The following RERE variants were observed in gnomAD, a reference collection of about 807,000 sequenced individuals.
RERE encodes arginine-glutamic acid dipeptide repeats.
Under a neutral mutation model 146.1 loss-of-function variants are expected in RERE, and 40 were observed. The observed-to-expected ratio is 0.27, with a 90% CI of 0.21 to 0.36. The LOEUF is 0.36. Among genes scored for constraint, RERE ranks in the 10% least tolerant of loss-of-function variants. RERE has a pLI of 1.00. For synonymous variants in RERE, 1,003 were observed against 866.0 expected (o/e 1.16, Z -2.78); for missense variants, 1,933 against 2,138.7 (o/e 0.90, Z 1.90).
intron 1 of RERE, among the ~76,000 whole-genome samples, chr1:8,709,813 G>C (rs1487915652): frequency 1.3e-5 from 2 of 152,144 alleles, no homozygotes; most frequent in African/African-American, 4.8e-5. Context: ...TTTCTACACT[G>C]AAGGAATCCC....
At chr1:8,373,138 C>T (rs183922239) in intron 12 of RERE, among the ~76,000 whole-genome samples, 44 of 152,332 alleles carry the variant, frequency 2.9e-4, no homozygotes, top group African/African-American at 7.2e-4. Flanking sequence ...CTGACCCCAT[C>T]GCAGAGTCTT....
chr1:8,435,777 A>C (rs554629001), intron 11 of RERE, among the ~76,000 whole-genome samples: 1 of 152,370 alleles, frequency 6.6e-6, no homozygotes, highest in South Asian at 2.1e-4. Context: ...CCATTGAGCT[A>C]TCCTATATAT....
intron 7 of RERE, among the ~76,000 whole-genome samples, chr1:8,539,454 G>A (rs893559158): frequency 6.6e-6 from 1 of 151,668 alleles, no homozygotes; most frequent in Admixed American, 6.6e-5. Context: ...TGCCCAGGCT[G>A]AAGTGCAGTG....
chr1:8,622,486 TAAAAAAAAAA>T (rs1167355778), intron 3 of RERE, among the ~76,000 whole-genome samples: 10 of 43,016 alleles, frequency 2.3e-4, no homozygotes, highest in Non-Finnish European at 3.0e-4. Context: ...TGTATCTGTT[TAAAAAAAAAA>T]AAAAAAAAAA....
intron 11 of RERE, among the ~76,000 whole-genome samples, chr1:8,459,279 A>G (rs185810445): frequency 3.9e-5 from 6 of 152,356 alleles, no homozygotes; most frequent in Admixed American, 2.0e-4. Context: ...TTAAGAATAC[A>G]TAATATGGAG....
At chr1:8,498,599 G>A (rs1041231193) in intron 8 of RERE, among the ~76,000 whole-genome samples, 4 of 149,576 alleles carry the variant, frequency 2.7e-5, no homozygotes, top group East Asian at 2.0e-4. Flanking sequence ...GGGAGGTTGA[G>A]GCAAGAGAAT....
At chr1:8,721,777 T>C (rs1008229647) in intron 1 of RERE, among the ~76,000 whole-genome samples, 1 of 152,218 alleles carries the variant, frequency 6.6e-6, no homozygotes, top group Admixed American at 6.5e-5. Flanking sequence ...CCTTTCTGAC[T>C]GCTTAAATAT....
chr1:8,551,207 C>G (rs961267881), intron 6 of RERE, among the ~76,000 whole-genome samples: 5 of 152,200 alleles, frequency 3.3e-5, no homozygotes, highest in African/African-American at 1.2e-4. Context: ...AAGACACTTA[C>G]GATCTCCTGT....
chr1:8,501,715 G>A (rs1383003455), intron 8 of RERE, among the ~76,000 whole-genome samples: 1 of 130,452 alleles, frequency 7.7e-6, no homozygotes, highest in African/African-American at 2.9e-5. Context: ...GGGAGGTGGG[G>A]GGTCAGCCCC....
intron 6 of RERE, among the ~76,000 whole-genome samples, chr1:8,554,798 G>A (rs545757422): frequency 4.0e-5 from 6 of 150,230 alleles, no homozygotes; most frequent in Non-Finnish European, 7.4e-5. Flanking sequence ...TTAAGTCACC[G>A]GTCCCAGCTA....
chr1:8,379,670 C>T (rs1201380220), intron 12 of RERE, among the ~76,000 whole-genome samples: 1 of 152,182 alleles, frequency 6.6e-6, no homozygotes, highest in Non-Finnish European at 1.5e-5. Flanking sequence ...CAGCGCCACC[C>T]CATGCAGGCT....
intron 11 of RERE, among the ~76,000 whole-genome samples, chr1:8,453,697 T>C (rs1644415045): frequency 6.6e-6 from 1 of 152,054 alleles, no homozygotes; most frequent in South Asian, 2.1e-4. Context: ...TCCCAGCTAC[T>C]GGGGAGGCTG....
Position 8,360,755 on chromosome 1 carries a change from G to A in RERE, c.2752C>T (p.Leu918=). 1 of 1,601,062 alleles carries A rather than the reference G, an allele frequency of 6.2e-7. No individual in the cohort carries two copies. Among genetic ancestry groups the A allele is most frequent in the Non-Finnish European group, 8.5e-7 (1 of 1,177,186 alleles). Residue 918 remains leucine (L), a synonymous_variant, in exon 18 of 23, where the codon CTG becomes TTG. Transcript: ENST00000400908. ...GGCATGGCCAAGGGCGCTGGTGGCAGGGGCTGCTCCCGTGGAGGCTGTTGG... is the reference window on the plus strand; with the variant it reads ...GGCATGGCCAAGGGCGCTGGTGGCAAGGGCTGCTCCCGTGGAGGCTGTTGG... ...QSQQPPREQP[L]PPAPLAMPHI...
At chr1:8,743,331 T>C (rs553769603) in intron 1 of RERE, among the ~76,000 whole-genome samples, 2 of 152,196 alleles carry the variant, frequency 1.3e-5, no homozygotes, top group Admixed American at 1.3e-4. Context: ...CAGGCTGGAA[T>C]GCAGTAGTAG....
At chr1:8,477,374 T>G (rs1198979682) in intron 10 of RERE, among the ~76,000 whole-genome samples, 2 of 152,208 alleles carry the variant, frequency 1.3e-5, no homozygotes, top group South Asian at 4.1e-4. Context: ...CTGTTTATGC[T>G]GCTTTTCTCA....
intron 4 of RERE, among the ~76,000 whole-genome samples, chr1:8,606,435 A>C (rs924486287): frequency 5.3e-5 from 8 of 151,656 alleles, no homozygotes; most frequent in Non-Finnish European, 1.2e-4. Context: ...TACATACTTT[A>C]AAAAAAAATT....
intron 7 of RERE, among the ~76,000 whole-genome samples, chr1:8,522,687 T>G (rs1557671091): frequency 6.6e-6 from 1 of 150,996 alleles, no homozygotes; most frequent in Admixed American, 6.6e-5. Context: ...GCCTGGCCAA[T>G]ATGGTGAAAC....
At chr1:8,774,373 T>G (rs1641017005) in intron 1 of RERE, among the ~76,000 whole-genome samples, 1 of 138,028 alleles carries the variant, frequency 7.2e-6, no homozygotes, top group Non-Finnish European at 1.6e-5. Flanking sequence ...TTTTTTTTGC[T>G]ACAGAGTTTC....
Position 8,411,288 on chromosome 1 carries a change from C to CAAGAT in RERE, c.1284+11434_1284+11438dup, listed in dbSNP as rs1185891345. Among the ~76,000 whole-genome samples the CAAGAT allele has an allele frequency of 2.0e-5, 3 of 148,774 alleles. No homozygotes were observed. The East Asian group carries it at 5.9e-4, about 29-fold the overall frequency. On this transcript the variant is annotated intron_variant, in intron 12 of 22. Coordinates refer to ENST00000400908, the MANE Select transcript of RERE (RefSeq NM_001042681.2). ...TCTCCTGAGTCACCTGATAGATTTACAAGATCAAAAGAAATAAGGGCTTCA... is the reference window on the plus strand; with the variant it reads ...TCTCCTGAGTCACCTGATAGATTTACAAGATAAGATCAAAAGAAATAAGGGCTTCA...
Sources: allele counts gnomAD v4.1 joint callset (sites outside exome capture counted in the v4.1 genomes callset), GRCh38; gene constraint gnomAD v4.1.1; transcripts MANE v1.5; gene names NCBI Gene and HGNC (gene_info 2026-07-23, HGNC 2026-07-21).